The following FARP2 variants were observed in gnomAD, a reference collection of about 807,000 sequenced individuals.
FARP2 encodes FERM, ARH/RhoGEF and pleckstrin domain protein 2.
In FARP2, 111 loss-of-function variants were observed where a neutral mutation model predicts 130.5. The observed-to-expected ratio is 0.85, with a 90% CI of 0.73 to 1.00. The LOEUF is 1.00. FARP2 is among the 50% of genes least tolerant of loss of function. The pLI is 0.00. For synonymous variants in FARP2, 504 were observed against 516.9 expected, an observed-to-expected ratio of 0.98 and a Z score of 0.34; for missense variants, 1,385 against 1,346.3, an observed-to-expected ratio of 1.03 and a Z score of -0.45.
intron 26 of FARP2, 72 bp downstream of exon 26, chr2:241,493,516 G>C (rs1417820789): frequency 6.8e-7 from 1 of 1,476,584 alleles, no homozygotes; most frequent in African/African-American, 1.4e-5. Flanking sequence ...TCTACTCATG[G>C]TGGTGGAGGC....
chr2:241,380,101 G>T (rs1268097270), intron 2 of FARP2, among the ~76,000 whole-genome samples: 1 of 152,220 alleles, frequency 6.6e-6, no homozygotes, highest in African/African-American at 2.4e-5. Flanking sequence ...AGTTAGGCCA[G>T]CAAATGGAAA....
chr2:241,365,195 CA>C (rs1288209613), intron 1 of FARP2, among the ~76,000 whole-genome samples: 1 of 152,102 alleles, frequency 6.6e-6, no homozygotes, highest in Non-Finnish European at 1.5e-5. Context: ...CAAACATTCA[CA>C]AAAGTAGAGA....
At chr2:241,361,362 T>C (rs1238872173) in intron 1 of FARP2, among the ~76,000 whole-genome samples, 1 of 152,200 alleles carries the variant, frequency 6.6e-6, no homozygotes, top group Admixed American at 6.5e-5. Flanking sequence ...TAGGTTTGCA[T>C]AGTAGAAGTA....
intron 4 of FARP2, among the ~76,000 whole-genome samples, chr2:241,406,422 G>C (rs13019759): frequency 1.0e-5 from 1 of 96,984 alleles, no homozygotes; most frequent in Non-Finnish European, 1.9e-5. Flanking sequence ...TATATATATA[G>C]AGAGAGAGAG....
chr2:241,466,231 C>T (rs2064165426), intron 17 of FARP2: 2 of 985,316 alleles, frequency 2.0e-6, no homozygotes, highest in African/African-American at 3.5e-5. Flanking sequence ...GGCCCCTGTC[C>T]CCCTACAGTG....
At chr2:241,431,822 A>ATTT in intron 9 of FARP2, 48 bp downstream of exon 9, 1 of 686,026 alleles carries the variant, frequency 1.5e-6, no homozygotes, top group African/African-American at 1.9e-5. Flanking sequence ...TTATTTATTT[A>ATTT]TTTATTTATT....
At chr2:241,430,347 T>C (rs1291880331) in intron 8 of FARP2, among the ~76,000 whole-genome samples, 1 of 152,220 alleles carries the variant, frequency 6.6e-6, no homozygotes, top group Non-Finnish European at 1.5e-5. Context: ...CCAGCCGTTT[T>C]AGTGAAGACT....
Position 241,463,959 on chromosome 2 carries a change from C to T in FARP2, c.1872C>T (p.Leu624=). 2 of 1,614,022 alleles carry T rather than the reference C, an allele frequency of 1.2e-6. No homozygotes were observed. Among genetic ancestry groups the T allele is most frequent in the Non-Finnish European group, 8.5e-7 (1 of 1,179,912 alleles). The change falls in exon 17 of 27, where the codon CTC becomes CTT. Residue 624 remains leucine, a synonymous_variant. Transcript: ENST00000264042. ...ATCAACGAATCGGGGACATCCTGCTCAGGAACATGCGCCAGTTAAAGGTAG... is the reference window on the plus strand; with the variant it reads ...ATCAACGAATCGGGGACATCCTGCTTAGGAACATGCGCCAGTTAAAGGTAG... ...GSHQRIGDIL[L]RNMRQLKEFT...
chr2:241,489,770 C>T (rs1210226733), intron 21 of FARP2, 192 bp from the exon 22 acceptor site: 5 of 538,008 alleles, frequency 9.3e-6, no homozygotes, highest in Non-Finnish European at 1.7e-5. Context: ...GGCTCACCCC[C>T]TGGGGTGCAG....
At chr2:241,443,277 AG>A (rs1259312088) in intron 13 of FARP2, 1 of 154,366 alleles carries the variant, frequency 6.5e-6, no homozygotes, top group African/African-American at 2.4e-5. Flanking sequence ...AAGGTGTCAA[AG>A]GGCCACTGCC....
At chr2:241,368,253 A>G (rs977468616) in intron 1 of FARP2, among the ~76,000 whole-genome samples, 5 of 152,156 alleles carry the variant, frequency 3.3e-5, no homozygotes, top group African/African-American at 9.7e-5. Context: ...AAAGCATTTC[A>G]TTCACGTTGA....
At chr2:241,414,324 G>A (rs2062607805) in intron 7 of FARP2, among the ~76,000 whole-genome samples, 1 of 152,210 alleles carries the variant, frequency 6.6e-6, no homozygotes, top group Non-Finnish European at 1.5e-5. Flanking sequence ...GGCCCAGGTG[G>A]CTGGGAGCTT....
At chr2:241,433,061 G>T (rs1449770914) in intron 9 of FARP2, among the ~76,000 whole-genome samples, 2 of 152,016 alleles carry the variant, frequency 1.3e-5, no homozygotes, top group South Asian at 2.1e-4. Context: ...TCCTGTGGAT[G>T]AAGGGGAAGT....
chr2:241,432,641 C>G (rs1424171349), intron 9 of FARP2, among the ~76,000 whole-genome samples: 1 of 152,058 alleles, frequency 6.6e-6, no homozygotes, highest in Non-Finnish European at 1.5e-5. Flanking sequence ...ACTGACTGCT[C>G]ATTAATAAAA....
Position 241,441,292 on chromosome 2 carries a change from T to G in FARP2, c.1159-12T>G. On this transcript the variant is annotated splice_polypyrimidine_tract_variant and intron_variant, in intron 12 of 26. Coordinates refer to ENST00000264042, the MANE Select transcript of FARP2 (RefSeq NM_014808.4). The stretch of plus-strand genomic sequence containing the variant: ...TATATCCTTTTTTTCTTTTCTTAAC[T>G]TTGGTTCCCAGAGCATCTCATTCCC... The G allele has an allele frequency of 6.4e-7, 1 of 1,556,612 alleles. No homozygotes were observed. Among genetic ancestry groups the G allele is most frequent in the Non-Finnish European group, 8.7e-7 (1 of 1,152,280 alleles).
intron 1 of FARP2, among the ~76,000 whole-genome samples, chr2:241,364,856 C>T (rs1406480617): frequency 6.6e-6 from 1 of 152,176 alleles, no homozygotes; most frequent in Non-Finnish European, 1.5e-5. Context: ...AGAGAAACTT[C>T]TCTAGTAATG....
chr2:241,357,722 C>T (rs979534001), intron 1 of FARP2, among the ~76,000 whole-genome samples: 2 of 152,186 alleles, frequency 1.3e-5, no homozygotes, highest in African/African-American at 2.4e-5. Flanking sequence ...TGTTAACAAA[C>T]TAAATGCTGA....
chr2:241,434,979 A>G lies in FARP2; in HGVS notation c.1049A>G (p.Gln350Arg). The stretch of plus-strand genomic sequence containing the variant: ...ATTCACAGTGGAAGAACTCAGAAAC[A>G]ACTAGTAGATTATTTCAAAGACAGT... Reference protein sequence around the residue: ...SFRYSGRTQKQLVDYFKDSGM... With the variant: ...SFRYSGRTQKRLVDYFKDSGM... The change falls in exon 11 of 27, where the codon CAA becomes CGA. Residue 350 changes from glutamine (Q) to arginine (R), a missense_variant. Transcript: ENST00000264042. 2 of 1,590,480 alleles carry G rather than the reference A, an allele frequency of 1.3e-6. No individual in the cohort carries two copies. Among genetic ancestry groups the G allele is most frequent in the Non-Finnish European group, 1.7e-6 (2 of 1,161,330 alleles).
rs369708641 is a variant in FARP2, at chr2:241,483,625, G to A, written c.2331+92G>A. On this transcript the variant is annotated intron_variant, in intron 20 of 26. Coordinates refer to ENST00000264042, the MANE Select transcript of FARP2 (RefSeq NM_014808.4). The stretch of plus-strand genomic sequence containing the variant: ...CATCGCCTGCAGCGGCAGCCCATTG[G>A]CCTCTGGGTAGTTTAGCACTTGGAG... 142 of 1,406,108 alleles carry A rather than the reference G, an allele frequency of 1.0e-4. No homozygotes were observed. In the East Asian group the frequency reaches 2.4e-3, roughly 23 times the overall value. 87.1% of individuals were successfully genotyped at this position (1,406,108 alleles called of 1,614,324 possible). A position where few individuals can be genotyped will look rare whatever the true frequency, so the allele number is the denominator to read the frequency against.
Sources: allele counts gnomAD v4.1 joint callset (sites outside exome capture counted in the v4.1 genomes callset), GRCh38; gene constraint gnomAD v4.1.1; transcripts MANE v1.5; gene names NCBI Gene and HGNC (gene_info 2026-07-23, HGNC 2026-07-21).